Variants in DLGAP4 observed in about 807,000 individuals in gnomAD.
DLGAP4 encodes the protein DLG associated protein 4.
A neutral mutation model predicts 86.9 loss-of-function variants in DLGAP4; 18 were observed. The ratio of observed to expected loss-of-function variants is 0.21; its 90% CI spans 0.14 to 0.31. The LOEUF is 0.31. Among genes scored for constraint, DLGAP4 ranks in the 10% least tolerant of loss-of-function variants. The pLI, the probability that DLGAP4 is intolerant of heterozygous loss-of-function variation, is 1.00. For missense variants in DLGAP4, 1,085 were observed against 1,362.6 expected, an observed-to-expected ratio of 0.80 and a Z score of 3.21; for synonymous variants, 548 against 574.3, an observed-to-expected ratio of 0.95 and a Z score of 0.65.
chr20:36,418,108 C>T (rs540039812), intron 2 of DLGAP4, among the ~76,000 whole-genome samples: 9 of 149,890 alleles, frequency 6.0e-5, no homozygotes, highest in South Asian at 2.1e-4. Flanking sequence ...TGTGTGTGCG[C>T]GCATATGTGT....
At chr20:36,493,466 T>C (rs2035753249) in intron 7 of DLGAP4, among the ~76,000 whole-genome samples, 1 of 152,166 alleles carries the variant, frequency 6.6e-6, no homozygotes, top group Admixed American at 6.5e-5. Context: ...CCTCCCGCCC[T>C]TCCGGAACAG....
intron 6 of DLGAP4, 107 bp from the exon 7 acceptor site, chr20:36,446,590 C>A: frequency 9.2e-7 from 1 of 1,081,978 alleles, no homozygotes; most frequent in Non-Finnish European, 1.3e-6. Context: ...GGGCTGAGGT[C>A]AGACCCCACA....
chr20:36,346,685 T>C (rs1555893030), intron 1 of DLGAP4, among the ~76,000 whole-genome samples: 2 of 152,216 alleles, frequency 1.3e-5, no homozygotes. Context: ...CTCTCTGTTT[T>C]CCTTCTGTCA....
rs2065178035 is a variant in DLGAP4 at position 36,322,434 on chromosome 20, C to T, written c.-304+15922C>T. 3.3e-5 allele frequency among the ~76,000 whole-genome samples: 5 copies of T among 152,154 alleles called. No homozygotes were observed. The South Asian group carries it at 1.0e-3, about 32-fold the overall frequency. On this transcript the variant is annotated intron_variant, in intron 1 of 12. Transcript: ENST00000339266. ...AGAAGGTCTAGATGCAAATCCAGCT[C>T]TGCTGCTTATTAGGGGCTTGACTTC...
At chr20:36,466,092 C>T (rs1039850686) in intron 7 of DLGAP4, among the ~76,000 whole-genome samples, 3 of 152,292 alleles carry the variant, frequency 2.0e-5, no homozygotes, top group East Asian at 1.9e-4. Context: ...TAGACACTCT[C>T]ATTTGGCAGG....
chr20:36,445,461 G>A (rs774559294), intron 6 of DLGAP4, among the ~76,000 whole-genome samples: 13 of 152,178 alleles, frequency 8.5e-5, no homozygotes, highest in African/African-American at 2.7e-4. Flanking sequence ...CCGAGATCGC[G>A]CCACTGCACT....
In DLGAP4 at chr20:36,415,181, G is replaced by A. The variant is rs550375954; in HGVS notation, c.-72-16465G>A. On this transcript the variant is annotated intron_variant, in intron 2 of 12. Transcript: ENST00000339266. Reference sequence around the variant, plus strand: ...CTCAGGAGGCTGAGGCATGAAAATCGCTTGAACCTGGAGGTGGAGGTTGCA... The same window carrying A: ...CTCAGGAGGCTGAGGCATGAAAATCACTTGAACCTGGAGGTGGAGGTTGCA... 7.2e-5 allele frequency among the ~76,000 whole-genome samples: 11 copies of A among 152,316 alleles called. No individual in the cohort carries two copies. In the East Asian group the frequency reaches 1.5e-3, roughly 21 times the overall value.
chr20:36,486,411 A>G (rs2035414474), intron 7 of DLGAP4, among the ~76,000 whole-genome samples: 1 of 152,182 alleles, frequency 6.6e-6, no homozygotes, highest in African/African-American at 2.4e-5. Context: ...CATGATGAGA[A>G]GGAGCAGACA....
At chr20:36,497,234 C>T in intron 8 of DLGAP4, 168 bp downstream of exon 8, 4 of 985,420 alleles carry the variant, frequency 4.1e-6, no homozygotes, top group Non-Finnish European at 1.2e-6. Flanking sequence ...ATAGCCACGC[C>T]TCGCTGGTAT....
chr20:36,399,327 T>TGGA (rs1329314341), intron 2 of DLGAP4, among the ~76,000 whole-genome samples: 1 of 152,238 alleles, frequency 6.6e-6, no homozygotes, highest in African/African-American at 2.4e-5. Flanking sequence ...TCTGTGGCCT[T>TGGA]GGGCAAGTCA....
At position 36,371,774 on chromosome 20, in the gene DLGAP4, G is replaced by A. The variant is rs550000749; in HGVS notation, c.-73+4499G>A. 4.8e-4 allele frequency among the ~76,000 whole-genome samples: 73 copies of A among 152,124 alleles called. 1 individual carries two copies. The highest frequency in any genetic ancestry group is 1.8e-3 in the African/African-American group (73 of 41,518). On this transcript the variant is annotated intron_variant, in intron 2 of 12. Coordinates refer to ENST00000339266, the MANE Select transcript of DLGAP4 (RefSeq NM_001365621.2). ...GTTTTTGTTTTTTTTTTTAAAAAGA[G>A]GTTATAAAACAGCATGGGTAGCATT...
intron 7 of DLGAP4, among the ~76,000 whole-genome samples, chr20:36,463,742 C>T (rs1018297749): frequency 6.6e-6 from 1 of 152,230 alleles, no homozygotes; most frequent in Non-Finnish European, 1.5e-5. Flanking sequence ...TGAGCCTTGG[C>T]TGCTTTTCCT....
At chr20:36,433,919 T>C (rs947121917) in intron 3 of DLGAP4, among the ~76,000 whole-genome samples, 1 of 152,018 alleles carries the variant, frequency 6.6e-6, no homozygotes, top group Non-Finnish European at 1.5e-5. Flanking sequence ...GTGCAGGGAT[T>C]ACAGGACTGA....
chr20:36,462,158 C>A, intron 7 of DLGAP4: 1 of 1,041,040 alleles, frequency 9.6e-7, no homozygotes, highest in Non-Finnish European at 1.2e-6. Flanking sequence ...TCCCCATATC[C>A]ACTGGGAGCT....
intron 2 of DLGAP4, among the ~76,000 whole-genome samples, chr20:36,400,397 G>A (rs1404506118): frequency 6.6e-6 from 1 of 152,190 alleles, no homozygotes; most frequent in Non-Finnish European, 1.5e-5. Context: ...TTCTTGACGA[G>A]TTGTGTCCCA....
At chr20:36,475,689 C>T (rs2034879523) in intron 7 of DLGAP4, among the ~76,000 whole-genome samples, 1 of 152,194 alleles carries the variant, frequency 6.6e-6, no homozygotes, top group Admixed American at 6.5e-5. Flanking sequence ...CTCACAAATA[C>T]AGTTAACTCA....
At chr20:36,485,304 C>T (rs1406937809) in intron 7 of DLGAP4, among the ~76,000 whole-genome samples, 1 of 150,730 alleles carries the variant, frequency 6.6e-6, no homozygotes, top group Admixed American at 6.6e-5. Flanking sequence ...TCATTTGAGC[C>T]CAGAGGTCAA....
intron 1 of DLGAP4, among the ~76,000 whole-genome samples, chr20:36,329,422 T>C (rs2065246462): frequency 6.6e-6 from 1 of 152,142 alleles, no homozygotes; most frequent in Non-Finnish European, 1.5e-5. Context: ...TATCATCTGG[T>C]TGTAGTGAGG....
At chr20:36,370,695 C>T (rs1208731202) in intron 2 of DLGAP4, among the ~76,000 whole-genome samples, 2 of 148,814 alleles carry the variant, frequency 1.3e-5, no homozygotes, top group African/African-American at 5.0e-5. Flanking sequence ...TGATATGTGC[C>T]GGTAGTCCCA....
Sources: allele counts gnomAD v4.1 joint callset (sites outside exome capture counted in the v4.1 genomes callset), GRCh38; gene constraint gnomAD v4.1.1; transcripts MANE v1.5; gene names NCBI Gene and HGNC (gene_info 2026-07-23, HGNC 2026-07-21).